The following HSPG2 variants were observed in gnomAD, a reference collection of about 807,000 sequenced individuals.
The protein encoded by HSPG2 is heparan sulfate proteoglycan 2.
Under a neutral mutation model 526.6 loss-of-function variants are expected in HSPG2, and 278 were observed. The ratio of observed to expected loss-of-function variants is 0.53; its 90% confidence interval spans 0.48 to 0.58. The LOEUF is 0.58. HSPG2 is among the 20% of genes least tolerant of loss of function. The pLI is 0.00. For synonymous variants in HSPG2, 2,465 were observed against 2,555.4 expected (o/e 0.96, Z 1.07); for missense variants, 5,354 against 6,099.5 (o/e 0.88, Z 4.07).
At chr1:21,834,649 C>A in intron 77 of HSPG2, 30 bp downstream of exon 77, 2 of 1,613,060 alleles carry the variant, frequency 1.2e-6, no homozygotes, top group Non-Finnish European at 1.7e-6. Context: ...CACTCACTGT[C>A]CCCCAACAAA....
In HSPG2 at chr1:21,854,313, C is replaced by G. The variant is rs1639159646; in HGVS notation, c.6319G>C (p.Val2107Leu). The change falls in exon 50 of 97, where the codon GTC becomes CTC. Residue 2107 changes from valine to leucine, a missense_variant. By Grantham distance (32) the Val-to-Leu change is conservative. Transcript: ENST00000374695. ...TATTCTCCAGAATCAGCTGGTGAGA[C>G]CTGGGGGAGCCGCAGACGGGAGCCG... ...VHGSRLRLPQVSPADSGEYVC... is the reference protein window; with the variant it reads ...VHGSRLRLPQLSPADSGEYVC... 1 of 1,572,128 alleles carries G rather than the reference C, an allele frequency of 6.4e-7. No individual in the cohort carries two copies. Among genetic ancestry groups the G allele is most frequent in the African/African-American group, 1.3e-5 (1 of 74,372 alleles).
chr1:21,865,446 T>C lies in HSPG2; in HGVS notation c.4315-81A>G. ...GGTGTCCTCCACCAGTCCTAGATTCTCTGTAACCCCCAGCCTCCCACCTCT... is the reference window on the plus strand; with the variant it reads ...GGTGTCCTCCACCAGTCCTAGATTCCCTGTAACCCCCAGCCTCCCACCTCT... On this transcript the variant is annotated intron_variant, in intron 34 of 96. Transcript: ENST00000374695. This position sits in a 1 kb window ranked among gnomAD's most constrained non-coding sequence, Gnocchi z 5.4. 7.4e-7 allele frequency: 1 copy of C among 1,342,616 alleles called. No homozygotes were observed. Among genetic ancestry groups the C allele is most frequent in the Non-Finnish European group, 1.1e-6 (1 of 935,808 alleles). The allele number at this position is 1,342,616 out of a possible 1,614,324, so 83.2% of individuals were successfully genotyped here.
chr1:21,847,895 C>G lies in HSPG2; in HGVS notation c.7874-55G>C. Reference sequence around the variant, plus strand: ...CCAGAGTGAGATAACAGTGATGGCACCGGGGACCTCTCTGCCACCCTCTGC... The same window carrying G: ...CCAGAGTGAGATAACAGTGATGGCAGCGGGGACCTCTCTGCCACCCTCTGC... On this transcript the variant is annotated intron_variant, in intron 60 of 96. Coordinates refer to ENST00000374695, the MANE Select transcript of HSPG2 (RefSeq NM_005529.7). The surrounding 1 kb of genome is among the most constrained non-coding windows in gnomAD (Gnocchi z 4.1). 6.2e-7 allele frequency: 1 copy of G among 1,613,752 alleles called. No individual in the cohort carries two copies. The highest frequency in any genetic ancestry group is 1.3e-5 in the African/African-American group (1 of 75,048).
At position 21,824,884 on chromosome 1, in the gene HSPG2, G is replaced by A. The variant is rs1046391904; in HGVS notation, c.12590-105C>T. On this transcript the variant is annotated intron_variant, in intron 91 of 96. Coordinates refer to ENST00000374695, the MANE Select transcript of HSPG2 (RefSeq NM_005529.7). This position sits in a 1 kb window ranked among gnomAD's most constrained non-coding sequence, Gnocchi z 5.9. ...CCACGCCAACATGCAGGACTAGGGGGCTCCGAGCCTGCAGTCCCTGGGGAC... is the reference window on the plus strand; with the variant it reads ...CCACGCCAACATGCAGGACTAGGGGACTCCGAGCCTGCAGTCCCTGGGGAC... The A allele has an allele frequency of 4.0e-5, 43 of 1,069,410 alleles. No individual in the cohort carries two copies. In the African/African-American group the frequency reaches 6.0e-4, roughly 15 times the overall value. 66.2% of individuals were successfully genotyped at this position (1,069,410 alleles called of 1,614,324 possible). A position where few individuals can be genotyped will look rare whatever the true frequency, so the allele number is the denominator to read the frequency against.
In HSPG2 at chr1:21,854,651, G is replaced by C; in HGVS notation, c.6248C>G (p.Thr2083Ser). Residue 2083 changes from threonine (T) to serine (S), a missense_variant, in exon 49 of 97, where the codon ACC (threonine) becomes AGC (serine). Transcript: ENST00000374695. ...VVAGSAHAQV[T>S]WYRRGGSLPP... ...CAGGCTACCCCCTCGCCTGTACCAG[G>C]TGACCTGGGCATGGGCTGACCCTGC... 1 of 1,595,782 alleles carries C rather than the reference G, an allele frequency of 6.3e-7. No individual in the cohort carries two copies. The highest frequency in any genetic ancestry group is 8.5e-7 in the Non-Finnish European group (1 of 1,170,690).
At position 21,847,259 on chromosome 1, in the gene HSPG2, A is replaced by C; in HGVS notation, c.8164+95T>G. On this transcript the variant is annotated intron_variant, in intron 62 of 96. Coordinates refer to ENST00000374695, the MANE Select transcript of HSPG2 (RefSeq NM_005529.7). This position sits in a 1 kb window ranked among gnomAD's most constrained non-coding sequence, Gnocchi z 4.1. ...GCATCTTTCCGCTGGCCCTTGCCTG[A>C]GTACCACCAGGTCTGAGGACTCTGA... 7.1e-7 allele frequency: 1 copy of C among 1,415,664 alleles called. No homozygotes were observed. The allele number at this position is 1,415,664 out of a possible 1,614,324, so 87.7% of individuals were successfully genotyped here. A position where few individuals can be genotyped will look rare whatever the true frequency, so the allele number is the denominator to read the frequency against.
chr1:21,929,101 C>T (rs1215173309), intron 1 of HSPG2, among the ~76,000 whole-genome samples: 2 of 152,180 alleles, frequency 1.3e-5, no homozygotes, highest in Admixed American at 6.5e-5. Flanking sequence ...ATCTGCCTAG[C>T]ACCAGGCAAA....
chr1:21,855,526 G>A lies in HSPG2; in HGVS notation c.5851C>T (p.His1951Tyr). The part of the protein sequence containing the change: ...QQVARAVLHV[H>Y]GGGGPRVQVS... ...CACCCTGAGCCCGGCCTCTCACCATGCACGTGGAGCACAGCCCTGGCCACC... is the reference window on the plus strand; with the variant it reads ...CACCCTGAGCCCGGCCTCTCACCATACACGTGGAGCACAGCCCTGGCCACC... Residue 1951 changes from histidine (H) to tyrosine (Y), a missense_variant, in exon 46 of 97, where the codon CAT becomes TAT. By Grantham distance (83) the His-to-Tyr change is moderately conservative. Transcript: ENST00000374695. 3 of 1,608,800 alleles carry A rather than the reference G, an allele frequency of 1.9e-6. No homozygotes were observed. Among genetic ancestry groups the A allele is most frequent in the South Asian group, 2.2e-5 (2 of 90,208 alleles).
Position 21,842,101 on chromosome 1 carries a change from T to C in HSPG2, c.9094A>G (p.Thr3032Ala), listed in dbSNP as rs2152706201. The change falls in exon 69 of 97, where the codon ACC becomes GCC. Residue 3032 changes from threonine (T) to alanine (A), a missense_variant. Coordinates refer to ENST00000374695, the MANE Select transcript of HSPG2 (RefSeq NM_005529.7). ...CTGGCATCCTGGCCCTGCTGCACGG[T>C]GCTGCTGGGCGGGTCGATGGAGATG... ...PVISIDPPSS[T>A]VQQGQDASFK... The C allele has an allele frequency of 6.2e-7, 1 of 1,613,624 alleles. No homozygotes were observed. Among genetic ancestry groups the C allele is most frequent in the Non-Finnish European group, 8.5e-7 (1 of 1,180,006 alleles).
chr1:21,884,862 T>G lies in HSPG2; in HGVS notation c.1412A>C (p.Glu471Ala). ...ACAGGTGTAGGCACCCTGGTCTGAC[T>G]CCTTCACATCACGGATGATCAGTGT... ...RGTLIIRDVK[E>A]SDQGAYTCEA... The change falls in exon 12 of 97, where the codon GAG becomes GCG. Residue 471 changes from glutamate to alanine, a missense_variant. Glu to Ala is a moderately radical substitution (Grantham distance 107). Transcript: ENST00000374695. The G allele has an allele frequency of 6.2e-7, 1 of 1,613,954 alleles. No individual in the cohort carries two copies. Among genetic ancestry groups the G allele is most frequent in the East Asian group, 2.2e-5 (1 of 44,880 alleles).
rs74062208 is a variant in HSPG2 at position 21,898,742 on chromosome 1, G to T, written c.64-2432C>A. On this transcript the variant is annotated intron_variant, in intron 1 of 96. Transcript: ENST00000374695. This position sits in a 1 kb window ranked among gnomAD's most constrained non-coding sequence, Gnocchi z 4.0. ...CTGACTCTGGTTAGAGGAGATTTGA[G>T]GGGTCCCCTCAACCTGGTGGGGGGC... Among the ~76,000 whole-genome samples, 1,796 of 152,316 alleles carry T rather than the reference G, an allele frequency of 0.012. 36 individuals carry two copies. Among genetic ancestry groups the T allele is most frequent in the African/African-American group, 0.041 (1,703 of 41,564 alleles).
Position 21,872,308 on chromosome 1 carries a change from G to A in HSPG2, c.4099C>T (p.Leu1367=), listed in dbSNP as rs1450000473. The A allele has an allele frequency of 1.3e-6, 2 of 1,573,898 alleles. No individual in the cohort carries two copies. Among genetic ancestry groups the A allele is most frequent in the Middle Eastern group, 1.7e-4 (1 of 6,028 alleles). The change falls in exon 33 of 97, where the codon CTG becomes TTG. Residue 1367 remains leucine, a synonymous_variant. Transcript: ENST00000374695. This position sits in a 1 kb window ranked among gnomAD's most constrained non-coding sequence, Gnocchi z 5.5. ...ALVNPQRNSR[L]TGEFTVEPVP... ...GGTTCCACAGTGAATTCTCCTGTCA[G>A]GCGGCTGTTTCGCTGTGGGTTCACC...
intron 13 of HSPG2, among the ~76,000 whole-genome samples, chr1:21,881,772 G>A (rs1035101679): frequency 2.6e-5 from 4 of 151,740 alleles, no homozygotes; most frequent in South Asian, 2.1e-4. Flanking sequence ...GTGAAACCTC[G>A]TCTCTACTAA....
At chr1:21,833,789 C>A (rs755954039) in intron 78 of HSPG2, 27 bp downstream of exon 78, 1 of 1,536,196 alleles carries the variant, frequency 6.5e-7, no homozygotes, top group Non-Finnish European at 8.9e-7. Context: ...CCAAGTCATG[C>A]CCGCTGGTTC....
intron 86 of HSPG2, 110 bp downstream of exon 86, chr1:21,829,883 C>T: frequency 9.9e-7 from 1 of 1,006,936 alleles, no homozygotes; most frequent in South Asian, 1.4e-5. Context: ...GATCCTCTGG[C>T]TTGGGAATCG....
At position 21,855,535 on chromosome 1, in the gene HSPG2, G is replaced by A; in HGVS notation, c.5842C>T (p.Leu1948Phe). The A allele has an allele frequency of 6.2e-7, 1 of 1,607,762 alleles. No individual in the cohort carries two copies. Among genetic ancestry groups the A allele is most frequent in the Non-Finnish European group, 8.5e-7 (1 of 1,178,166 alleles). The change falls in exon 46 of 97, where the codon CTC (leucine) becomes TTC (phenylalanine). Residue 1948 changes from leucine to phenylalanine, a missense_variant. Transcript: ENST00000374695. ...SAGQQVARAV[L>F]HVHGGGGPRV... Reference sequence around the variant, plus strand: ...CCCGGCCTCTCACCATGCACGTGGAGCACAGCCCTGGCCACCTGCTGCCCA... The same window carrying A: ...CCCGGCCTCTCACCATGCACGTGGAACACAGCCCTGGCCACCTGCTGCCCA...
Position 21,859,789 on chromosome 1 carries a change from C to T in HSPG2, c.5182+46G>A. The T allele has an allele frequency of 6.2e-7, 1 of 1,605,188 alleles. No homozygotes were observed. Among genetic ancestry groups the T allele is most frequent in the Non-Finnish European group, 8.5e-7 (1 of 1,176,984 alleles). On this transcript the variant is annotated intron_variant, in intron 41 of 96. Transcript: ENST00000374695. The surrounding 1 kb of genome is among the most constrained non-coding windows in gnomAD (Gnocchi z 5.3). The stretch of plus-strand genomic sequence containing the variant: ...CAGGGACAGGCCCCTGCCTCCCCTC[C>T]CACTGGGATGGCTCTTGGGGCTGAG...
In HSPG2 at chr1:21,828,935, A is replaced by G; in HGVS notation, c.12137T>C (p.Leu4046Pro). The G allele has an allele frequency of 6.4e-7, 1 of 1,571,826 alleles. No individual in the cohort carries two copies. The highest frequency in any genetic ancestry group is 2.3e-5 in the East Asian group (1 of 42,576). ...LRSSPGKSQG[L>P]NLHTLLYLGG... ...CAGGTAGAGCAGGGTGTGCAGGTTG[A>G]GGCCCTGGCTCTTGCCGGGCGAGGA... The change falls in exon 88 of 97, where the codon CTC becomes CCC. Residue 4046 changes from leucine (L) to proline (P), a missense_variant. Physicochemically the swap from Leu to Pro is moderately conservative, Grantham distance 98 (BLOSUM62 -3). Coordinates refer to ENST00000374695, the MANE Select transcript of HSPG2 (RefSeq NM_005529.7). This position sits in a 1 kb window ranked among gnomAD's most constrained non-coding sequence, Gnocchi z 6.0.
intron 1 of HSPG2, among the ~76,000 whole-genome samples, chr1:21,933,089 G>T (rs1644386517): frequency 6.6e-6 from 1 of 151,202 alleles, no homozygotes; most frequent in East Asian, 2.0e-4. Context: ...GTGTAGAGGA[G>T]GGTGTCTGTA....
Sources: allele counts gnomAD v4.1 joint callset (sites outside exome capture counted in the v4.1 genomes callset), GRCh38; gene constraint gnomAD v4.1.1; non-coding constraint Gnocchi (gnomAD v3.1); transcripts MANE v1.5; gene names NCBI Gene and HGNC (gene_info 2026-07-23, HGNC 2026-07-21).